Variants in DYNC2H1 observed in about 807,000 individuals in gnomAD.
The protein encoded by DYNC2H1 is cytoplasmic dynein 2 heavy chain 1.
A neutral mutation model predicts 570.0 loss-of-function variants in DYNC2H1; 410 were observed. The ratio of observed to expected loss-of-function variants is 0.72; its 90% confidence interval spans 0.66 to 0.78. The LOEUF (loss-of-function observed/expected upper bound fraction) is 0.78, where lower values mean the gene tolerates loss of function less well. Among genes scored for constraint, DYNC2H1 ranks in the 30% least tolerant of loss-of-function variants. The pLI is 0.00. For missense variants in DYNC2H1, 4,865 were observed against 5,046.4 expected (o/e 0.96, Z 1.09); for synonymous variants, 1,688 against 1,677.6 (o/e 1.01, Z -0.15).
At chr11:103,407,691 G>A (rs1022729608) in intron 84 of DYNC2H1, 1 of 151,854 alleles carries the variant, frequency 6.6e-6, no homozygotes, top group African/African-American at 2.4e-5. Flanking sequence ...CATTTATTAC[G>A]ATAATATTCA....
chr11:103,443,748 T>A (rs1216068927), intron 85 of DYNC2H1, among the ~76,000 whole-genome samples: 1 of 151,906 alleles, frequency 6.6e-6, no homozygotes, highest in African/African-American at 2.4e-5. Context: ...TGAAATTTGA[T>A]AAGTGAGAAA....
Position 103,348,044 on chromosome 11 carries a change from C to T in DYNC2H1, c.12040-10199C>T, listed in dbSNP as rs543509626. Among the ~76,000 whole-genome samples, 266 of 152,174 alleles carry T rather than the reference C, an allele frequency of 1.7e-3. 1 individual carries two copies. Among genetic ancestry groups the T allele is most frequent in the African/African-American group, 6.3e-3 (260 of 41,510 alleles). On this transcript the variant is annotated intron_variant, in intron 82 of 88. Coordinates refer to ENST00000375735, the MANE Select transcript of DYNC2H1 (RefSeq NM_001377.3). ...TTGCGAAGTACTAAGAGGTAATTTTCGAGGTGATGAAAAATGTTTATTATT... is the reference window on the plus strand; with the variant it reads ...TTGCGAAGTACTAAGAGGTAATTTTTGAGGTGATGAAAAATGTTTATTATT...
chr11:103,332,529 G>A (rs150918959), intron 82 of DYNC2H1, among the ~76,000 whole-genome samples: 6 of 152,252 alleles, frequency 3.9e-5, no homozygotes, highest in Admixed American at 2.6e-4. Context: ...TAGCAGCGGG[G>A]TAGAGAAAGT....
intron 50 of DYNC2H1, among the ~76,000 whole-genome samples, chr11:103,202,980 C>A (rs1028398285): frequency 3.9e-5 from 6 of 152,074 alleles, no homozygotes; most frequent in African/African-American, 1.4e-4. Flanking sequence ...AGGCCATGGA[C>A]CAGTTCTTCT....
Position 103,157,573 on chromosome 11 carries a change from T to C in DYNC2H1, c.4127+803T>C, listed in dbSNP as rs1860893085. 6.6e-6 allele frequency among the ~76,000 whole-genome samples: 1 copy of C among 152,248 alleles called. No homozygotes were observed. Among genetic ancestry groups the C allele is most frequent in the African/African-American group, 2.4e-5 (1 of 41,476 alleles). On this transcript the variant is annotated intron_variant, in intron 26 of 88. Coordinates refer to ENST00000375735, the MANE Select transcript of DYNC2H1 (RefSeq NM_001377.3). The surrounding 1 kb of genome is among the most constrained non-coding windows in gnomAD (Gnocchi z 4.2). ...TTAAGTTGCCAAATTTTGTTGATTC[T>C]AACCTGCTTAGTATATCTTGAGCCA...
intron 65 of DYNC2H1, among the ~76,000 whole-genome samples, chr11:103,251,353 C>T (rs1168128377): frequency 1.3e-5 from 2 of 152,026 alleles, no homozygotes; most frequent in Non-Finnish European, 2.9e-5. Context: ...CTAGTATTTA[C>T]ATGGTATATA....
At position 103,163,540 on chromosome 11, in the gene DYNC2H1, T is replaced by A. The variant is rs1198951484; in HGVS notation, c.4611+393T>A. Among the ~76,000 whole-genome samples the A allele has an allele frequency of 2.0e-5, 3 of 152,128 alleles. No homozygotes were observed. The highest frequency in any genetic ancestry group is 7.2e-5 in the African/African-American group (3 of 41,426). The stretch of plus-strand genomic sequence containing the variant: ...AGGTATTAGTGTAAATCTGAAATAG[T>A]CATAACACTAAACTGTAATATTGAC... On this transcript the variant is annotated intron_variant, in intron 30 of 88. Coordinates refer to ENST00000375735, the MANE Select transcript of DYNC2H1 (RefSeq NM_001377.3). This position sits in a 1 kb window ranked among gnomAD's most constrained non-coding sequence, Gnocchi z 4.6.
Position 103,280,520 on chromosome 11 carries a change from C to A in DYNC2H1, c.10761+107C>A. ...TTTAGGCTAGAAATTATATATCAAC[C>A]TATTAATCTTTTACTAAGTTAGAAA... On this transcript the variant is annotated intron_variant, in intron 71 of 88. Transcript: ENST00000375735. This position sits in a 1 kb window ranked among gnomAD's most constrained non-coding sequence, Gnocchi z 4.7. 1.0e-6 allele frequency: 1 copy of A among 979,780 alleles called. No homozygotes were observed. The highest frequency in any genetic ancestry group is 1.5e-6 in the Non-Finnish European group (1 of 650,458). 60.7% of individuals were successfully genotyped at this position (979,780 alleles called of 1,614,324 possible). A position where few individuals can be genotyped will look rare whatever the true frequency, so the allele number is the denominator to read the frequency against.
chr11:103,166,990 C>CTTTTTTTTTTTTT (rs34816989), intron 31 of DYNC2H1, among the ~76,000 whole-genome samples: 11 of 56,988 alleles, frequency 1.9e-4, no homozygotes, highest in East Asian at 6.3e-4. Flanking sequence ...GAGGCGCTGC[C>CTTTTTTTTTTTTT]TTTTTTTTTT....
chr11:103,110,436 GTCT>G (rs1858059248), intron 1 of DYNC2H1, among the ~76,000 whole-genome samples: 1 of 151,418 alleles, frequency 6.6e-6, no homozygotes, highest in Admixed American at 6.6e-5. Flanking sequence ...GCAAATTCTA[GTCT>G]ATCTTTTTTG....
intron 83 of DYNC2H1, among the ~76,000 whole-genome samples, chr11:103,387,201 T>C (rs1420614162): frequency 9.9e-5 from 15 of 152,190 alleles, no homozygotes; most frequent in Non-Finnish European, 1.8e-4. Flanking sequence ...TTCTAACTGG[T>C]GTGAGATGGT....
At chr11:103,265,071 TGAAGCTG>T (rs1437513510) in intron 70 of DYNC2H1, among the ~76,000 whole-genome samples, 1 of 152,174 alleles carries the variant, frequency 6.6e-6, no homozygotes, top group Admixed American at 6.5e-5. Flanking sequence ...GGGACATGGA[TGAAGCTG>T]GAAACCATCA....
chr11:103,243,733 C>A lies in DYNC2H1; in HGVS notation c.9860C>A (p.Ala3287Asp). The change falls in exon 64 of 89, where the codon GCT becomes GAT. Residue 3287 changes from alanine (A) to aspartate (D), a missense_variant. This residue lies in a region of DYNC2H1 where 2,401 missense variants were observed against 2,454.6 expected (regional missense o/e 0.98). Coordinates refer to ENST00000375735, the MANE Select transcript of DYNC2H1 (RefSeq NM_001377.3). The surrounding 1 kb of genome is among the most constrained non-coding windows in gnomAD (Gnocchi z 4.8). ...TTTCTTATAGATCCTTCTTCCCAAG[C>A]TACAGAGTGGTTAAAAACACATTTG... ...CPFLIDPSSQ[A>D]TEWLKTHLKD... 6.2e-7 allele frequency: 1 copy of A among 1,606,672 alleles called. No individual in the cohort carries two copies. Among genetic ancestry groups the A allele is most frequent in the Non-Finnish European group, 8.5e-7 (1 of 1,176,130 alleles).
At position 103,479,113 on chromosome 11, in the gene DYNC2H1, T is replaced by G; in HGVS notation, c.12784T>G (p.Ser4262Ala). 1.2e-6 allele frequency: 2 copies of G among 1,613,748 alleles called. No individual in the cohort carries two copies. Among genetic ancestry groups the G allele is most frequent in the Non-Finnish European group, 1.7e-6 (2 of 1,179,704 alleles). Residue 4262 changes from serine to alanine, a missense_variant, in exon 89 of 89, where the codon TCT becomes GCT. Ser to Ala is a moderately conservative substitution (Grantham distance 99). Transcript: ENST00000375735. ...TAAACAGGATGCATGTGGTCCATAT[T>G]CTCCGGATGAGTGCATCTCTTTGCC... ...WIPQDACGPY[S>A]PDECISLPVY...
intron 84 of DYNC2H1, among the ~76,000 whole-genome samples, chr11:103,428,689 G>A (rs1035853484): frequency 3.3e-5 from 5 of 152,054 alleles, no homozygotes; most frequent in African/African-American, 1.2e-4. Context: ...CTGTCTCTGT[G>A]AATCCTGGTA....
Position 103,455,173 on chromosome 11 carries a change from T to TC in DYNC2H1, c.12457-6dup, listed in dbSNP as rs750717754. Reference sequence around the variant, plus strand: ...GTGTGTGTATTTATATGTTCATATTTCCCCCCCTCTAGAACTGGGTAGATA... The same window carrying TC: ...GTGTGTGTATTTATATGTTCATATTTCCCCCCCCTCTAGAACTGGGTAGATA... On this transcript the variant is annotated splice_polypyrimidine_tract_variant and intron_variant, in intron 85 of 88. Transcript: ENST00000375735. 9.6e-5 allele frequency: 153 copies of TC among 1,595,490 alleles called. 1 individual carries two copies. Among genetic ancestry groups the TC allele is most frequent in the Non-Finnish European group, 1.2e-4 (137 of 1,164,246 alleles).
chr11:103,351,613 T>C (rs1181780148), intron 82 of DYNC2H1, among the ~76,000 whole-genome samples: 2 of 152,212 alleles, frequency 1.3e-5, no homozygotes, highest in African/African-American at 2.4e-5. Flanking sequence ...TTCTCCTTAA[T>C]TTATGTGATG....
At chr11:103,401,572 A>G (rs773573487) in intron 84 of DYNC2H1, among the ~76,000 whole-genome samples, 8 of 152,172 alleles carry the variant, frequency 5.3e-5, no homozygotes, top group Non-Finnish European at 8.8e-5. Flanking sequence ...GACCGCTGGA[A>G]TATGTCTGCC....
At chr11:103,188,180 T>A (rs555143171) in intron 43 of DYNC2H1, among the ~76,000 whole-genome samples, 3 of 152,202 alleles carry the variant, frequency 2.0e-5, no homozygotes, top group Non-Finnish European at 4.4e-5. Flanking sequence ...AAAATATTTT[T>A]CTCATATTTT....
Sources: gnomAD v4.1 joint callset for allele counts (sites outside exome capture counted in the v4.1 genomes callset) on GRCh38, gnomAD v4.1.1 for gene constraint, gnomAD v4.1.1 regional missense constraint, Gnocchi (gnomAD v3.1) non-coding constraint, MANE v1.5 for transcripts, NCBI Gene and HGNC (gene_info 2026-07-23, HGNC 2026-07-21) for gene names.